Variants in DCAF1 observed in about 807,000 individuals in gnomAD.
The protein encoded by DCAF1 is DDB1- and CUL4-associated factor 1.
In DCAF1, 15 loss-of-function variants were observed where a neutral mutation model predicts 128.0. The ratio of observed to expected loss-of-function variants is 0.12; its 90% CI spans 0.08 to 0.18. The LOEUF (loss-of-function observed/expected upper bound fraction) is 0.18, where lower values mean the gene tolerates loss of function less well. DCAF1 is among the 10% of genes least tolerant of loss of function. The probability of loss-of-function intolerance (pLI) is 1.00; values close to 1 mark genes in which losing one functional copy is unlikely to be tolerated. For synonymous variants in DCAF1, 610 were observed against 603.0 expected, an observed-to-expected ratio of 1.01 and a Z score of -0.17; for missense variants, 988 against 1,649.5, an observed-to-expected ratio of 0.60 and a Z score of 6.95.
chr3:51,478,807 A>T (rs559829285), intron 3 of DCAF1, among the ~76,000 whole-genome samples: 1 of 152,156 alleles, frequency 6.6e-6, no homozygotes, highest in African/African-American at 2.4e-5. Context: ...TTAATCTCCA[A>T]TGCCTCTACC....
intron 3 of DCAF1, among the ~76,000 whole-genome samples, chr3:51,473,422 AGTCTTT>A (rs1705009285): frequency 8.0e-6 from 1 of 124,854 alleles, no homozygotes; most frequent in Non-Finnish European, 1.6e-5. Context: ...TATACTTTCT[AGTCTTT>A]TTTTTTTTTT....
At chr3:51,437,233 A>G in intron 9 of DCAF1, 1 of 374,860 alleles carries the variant, frequency 2.7e-6, no homozygotes, top group Non-Finnish European at 5.0e-6. Context: ...ACTGCACTGC[A>G]CTCCAGCCCA....
rs1031249283 is a variant in DCAF1, at chr3:51,430,290, G to A, written c.1288-78C>T. The A allele has an allele frequency of 8.9e-5, 61 of 686,512 alleles. No individual in the cohort carries two copies. In the African/African-American group the frequency reaches 9.6e-4, roughly 11 times the overall value. The allele number at this position is 686,512 out of a possible 1,614,324, so 42.5% of individuals were successfully genotyped here. On this transcript the variant is annotated intron_variant, in intron 10 of 24. Transcript: ENST00000684031. The stretch of plus-strand genomic sequence containing the variant: ...CTTGAACAGGATGGAAAATTTGCCA[G>A]TATAGATATCTGCAGAATACAATGA...
chr3:51,441,304 T>C, intron 8 of DCAF1, 81 bp downstream of exon 8: 7 of 1,457,932 alleles, frequency 4.8e-6, no homozygotes, highest in Non-Finnish European at 5.5e-6. Flanking sequence ...TATATCTTTG[T>C]ATAAAATACT....
chr3:51,424,169 G>A (rs1553633415), intron 13 of DCAF1, among the ~76,000 whole-genome samples: 1 of 152,040 alleles, frequency 6.6e-6, no homozygotes, highest in South Asian at 2.1e-4. Flanking sequence ...TGGGAGACCA[G>A]GGCAGGTGGA....
chr3:51,448,632 T>G lies in DCAF1; in HGVS notation c.376-4729A>C, dbSNP rs74853902. ...TTTACATCCAATAGTTTAACCATTT[T>G]AAAGAGTATAATTCAGTAGGACTAA... On this transcript the variant is annotated intron_variant, in intron 6 of 24. Coordinates refer to ENST00000684031, the MANE Select transcript of DCAF1 (RefSeq NM_001387579.1). Among the ~76,000 whole-genome samples the G allele has an allele frequency of 3.9e-3, 589 of 152,348 alleles. 6 individuals carry two copies. The highest frequency in any genetic ancestry group is 0.013 in the African/African-American group (555 of 41,582).
intron 3 of DCAF1, among the ~76,000 whole-genome samples, chr3:51,475,862 TA>T (rs1166826242): frequency 1.4e-3 from 188 of 136,704 alleles, no homozygotes; most frequent in Middle Eastern, 3.8e-3. Flanking sequence ...CTATGTCTCA[TA>T]AAAAAAAAAA....
intron 6 of DCAF1, among the ~76,000 whole-genome samples, chr3:51,451,069 CTTTTTTTTTTTTTTTTT>C (rs1167474829): frequency 4.0e-3 from 108 of 27,110 alleles, no homozygotes; most frequent in Middle Eastern, 0.028. Flanking sequence ...AAAGGAAATT[CTTTTTTTTTTTTTTTTT>C]TTTTTTTTTT....
At chr3:51,436,612 C>A (rs565413265) in intron 9 of DCAF1, among the ~76,000 whole-genome samples, 1 of 152,084 alleles carries the variant, frequency 6.6e-6, no homozygotes, top group Admixed American at 6.5e-5. Context: ...TATCATGATA[C>A]TAATAATTTA....
rs1351576981 is a variant in DCAF1 at position 51,403,288 on chromosome 3, G to A, written c.4320C>T (p.Asp1440=). The A allele has an allele frequency of 1.0e-5, 16 of 1,601,292 alleles. No individual in the cohort carries two copies. Among genetic ancestry groups the A allele is most frequent in the Admixed American group, 5.2e-5 (3 of 57,742 alleles). The change falls in exon 24 of 25, where the codon GAC becomes GAT. Residue 1440 remains aspartate (D), a synonymous_variant. Coordinates refer to ENST00000684031, the MANE Select transcript of DCAF1 (RefSeq NM_001387579.1). Reference sequence around the variant, plus strand: ...CTTCCCCTGCGTTCTCATTATTGTCGTCCTCCTCCAACTCCGCCTCCAGCA... The same window carrying A: ...CTTCCCCTGCGTTCTCATTATTGTCATCCTCCTCCAACTCCGCCTCCAGCA... ...DQLLEAELEE[D]DNNENAGEDG...
chr3:51,483,547 G>A (rs1183288814), intron 3 of DCAF1, among the ~76,000 whole-genome samples, 172 bp downstream of exon 3: 2 of 151,824 alleles, frequency 1.3e-5, no homozygotes, highest in Non-Finnish European at 2.9e-5. Flanking sequence ...AGAATTTACA[G>A]TCTAGGTGAA....
chr3:51,420,097 C>A lies in DCAF1; in HGVS notation c.2873G>T (p.Ser958Ile), dbSNP rs1236874739. 1.2e-6 allele frequency: 2 copies of A among 1,613,886 alleles called. No homozygotes were observed. The highest frequency in any genetic ancestry group is 2.7e-5 in the African/African-American group (2 of 74,928). Residue 958 changes from serine to isoleucine, a missense_variant, in exon 15 of 25, where the codon AGT (serine) becomes ATT (isoleucine). Ser to Ile is a moderately radical substitution (Grantham distance 142). Around this residue, in one of 11 missense-constraint regions of DCAF1, gnomAD observed 88 missense variants for 107.7 expected, o/e 0.82. Coordinates refer to ENST00000684031, the MANE Select transcript of DCAF1 (RefSeq NM_001387579.1). The surrounding 1 kb of genome is among the most constrained non-coding windows in gnomAD (Gnocchi z 6.5). ...GGGTGATGGCCTCTCTCTGATAAAA[C>A]TGATTCTACCAATCAAAGGGGAGTT... is the stretch of plus-strand genomic sequence containing the variant. ...AGNSPLIGRI[S>I]FIRERPSPCN...
chr3:51,474,216 C>T (rs879994703), intron 3 of DCAF1, among the ~76,000 whole-genome samples: 8 of 151,970 alleles, frequency 5.3e-5, no homozygotes, highest in Non-Finnish European at 7.4e-5. Context: ...GTTGGGAGTT[C>T]GAAATCAGCC....
rs782244662 is a variant in DCAF1 at position 51,463,162 on chromosome 3, T to A, written c.327A>T (p.Leu109=). The change falls in exon 6 of 25, where the codon CTA becomes CTT. Residue 109 remains leucine, a synonymous_variant. Coordinates refer to ENST00000684031, the MANE Select transcript of DCAF1 (RefSeq NM_001387579.1). Reference sequence around the variant, plus strand: ...TTTCCAGCCCTGGCATGATGTCTAATAGGAGTCTGCAAGCTGCAGTGTTTA... The same window carrying A: ...TTTCCAGCCCTGGCATGATGTCTAAAAGGAGTCTGCAAGCTGCAGTGTTTA... ...PPLNTAACRL[L]LDIMPGLETA... is the part of the protein sequence containing the mutation. 1 of 1,599,090 alleles carries A rather than the reference T, an allele frequency of 6.3e-7. No individual in the cohort carries two copies. Among genetic ancestry groups the A allele is most frequent in the African/African-American group, 1.3e-5 (1 of 74,294 alleles).
At chr3:51,451,066 ATTCTTTTTTTTTTTTTTTTTT>A (rs1414259247) in intron 6 of DCAF1, among the ~76,000 whole-genome samples, 3 of 32,760 alleles carry the variant, frequency 9.2e-5, no homozygotes, top group African/African-American at 3.1e-4. Context: ...TAAAAAGGAA[ATTCTTTTTTTTTTTTTTTTTT>A]TTTTTTTTTT....
At chr3:51,471,989 GACC>G (rs1333301665) in intron 3 of DCAF1, among the ~76,000 whole-genome samples, 1 of 152,014 alleles carries the variant, frequency 6.6e-6, no homozygotes, top group Non-Finnish European at 1.5e-5. Context: ...TCCTCATCCA[GACC>G]ACCATCATCA....
Position 51,420,987 on chromosome 3 carries a change from A to G in DCAF1, c.1983T>C (p.Ile661=). Residue 661 remains isoleucine, a synonymous_variant, in exon 15 of 25, where the codon ATT becomes ATC. Transcript: ENST00000684031. This position sits in a 1 kb window ranked among gnomAD's most constrained non-coding sequence, Gnocchi z 6.5. ...GSTVSTVGIS[I]ILGVAEGEFF... is the part of the protein sequence containing the mutation. ...ACTCACCCTCAGCCACTCCCAAAAT[A>G]ATGCTGATACCTAATGGGAAAAAAA... The G allele has an allele frequency of 1.9e-6, 3 of 1,611,458 alleles. No individual in the cohort carries two copies. Among genetic ancestry groups the G allele is most frequent in the Non-Finnish European group, 2.5e-6 (3 of 1,178,168 alleles).
At chr3:51,472,924 TA>T (rs1704927947) in intron 3 of DCAF1, among the ~76,000 whole-genome samples, 1 of 150,254 alleles carries the variant, frequency 6.7e-6, no homozygotes, top group African/African-American at 2.4e-5. Context: ...CTCAGCCTCC[TA>T]AAAGTGCTGG....
At chr3:51,448,371 C>T (rs1337912828) in intron 6 of DCAF1, among the ~76,000 whole-genome samples, 1 of 152,102 alleles carries the variant, frequency 6.6e-6, no homozygotes, top group Non-Finnish European at 1.5e-5. Flanking sequence ...TAATTGTTAT[C>T]TTCAGCTCTG....
Sources: allele counts gnomAD v4.1 joint callset (sites outside exome capture counted in the v4.1 genomes callset), GRCh38; gene constraint gnomAD v4.1.1; regional missense constraint gnomAD v4.1.1; non-coding constraint Gnocchi (gnomAD v3.1); transcripts MANE v1.5; gene names NCBI Gene and HGNC (gene_info 2026-07-23, HGNC 2026-07-21).